The following ZPLD1 variants were observed in gnomAD, a reference collection of about 807,000 sequenced individuals.
ZPLD1 encodes the protein zona pellucida like domain containing 1.
In ZPLD1, 34 loss-of-function variants were observed where a neutral mutation model predicts 47.2. That is an observed-to-expected ratio of 0.72 (90% confidence interval 0.55 to 0.96). The LOEUF (loss-of-function observed/expected upper bound fraction) is 0.96, where lower values mean the gene tolerates loss of function less well. ZPLD1 is among the 40% of genes least tolerant of loss of function. The pLI is 0.00. For synonymous variants in ZPLD1, 176 were observed against 186.2 expected (o/e 0.95, Z 0.45); for missense variants, 512 against 505.8 (o/e 1.01, Z -0.12).
chr3:102,436,615 T>C (rs1707095399), intron 1 of ZPLD1, among the ~76,000 whole-genome samples: 1 of 152,224 alleles, frequency 6.6e-6, no homozygotes, highest in South Asian at 2.1e-4. Flanking sequence ...TTTCACGTCA[T>C]TTAAACCTTC....
Position 102,414,040 on chromosome 3 carries a change from T to C in ZPLD1, c.-156-4020T>C, listed in dbSNP as rs553211868. On this transcript the variant is annotated intron_variant, in intron 7 of 17. Transcript: ENST00000491959. ...AGGAGGCGAGCTGTGTGCTTTCCAG[T>C]TGGACATGATTCCTGTTACTTGCTG... Among the ~76,000 whole-genome samples the C allele has an allele frequency of 8.6e-5, 13 of 151,868 alleles. No individual in the cohort carries two copies. The South Asian group carries it at 2.1e-3, about 24-fold the overall frequency.
At chr3:102,462,034 A>G (rs1181700732) in intron 6 of ZPLD1, among the ~76,000 whole-genome samples, 1 of 152,096 alleles carries the variant, frequency 6.6e-6, no homozygotes, top group East Asian at 1.9e-4. Flanking sequence ...TACAGTGAAC[A>G]TTAGCCACCA....
intron 7 of ZPLD1, among the ~76,000 whole-genome samples, chr3:102,393,220 T>C (rs1402498581): frequency 4.6e-5 from 7 of 152,132 alleles, no homozygotes; most frequent in African/African-American, 1.7e-4. Context: ...GGTGACTGAA[T>C]TGGTTAAATT....
rs770288193 is a variant in ZPLD1 at position 102,470,460 on chromosome 3, G to A, written c.1000G>A (p.Gly334Ser). 1.2e-6 allele frequency: 2 copies of A among 1,614,006 alleles called. No homozygotes were observed. Among genetic ancestry groups the A allele is most frequent in the Non-Finnish European group, 1.7e-6 (2 of 1,180,000 alleles). ...GACTTGGAGCCCCCAGAGCTCTTCT[G>A]GCAGCGCGGTGCTCTCTGCTGGTCC... ...RTTWSPQSSS[G>S]SAVLSAGPII... The change falls in exon 10 of 12, where the codon GGC becomes AGC. Residue 334 changes from glycine (G) to serine (S), a missense_variant. Transcript: ENST00000466937.
intron 3 of ZPLD1, among the ~76,000 whole-genome samples, chr3:102,442,036 T>C (rs906154291): frequency 5.9e-5 from 9 of 152,098 alleles, no homozygotes; most frequent in Admixed American, 2.6e-4. Context: ...GACTCTCAGA[T>C]CCTTGAGAAA....
At chr3:102,476,213 G>A (rs1462716065) in intron 10 of ZPLD1, among the ~76,000 whole-genome samples, 6 of 151,976 alleles carry the variant, frequency 3.9e-5, no homozygotes, top group South Asian at 2.1e-4. Flanking sequence ...TCAATTGCAC[G>A]CATTATATGG....
At chr3:102,418,748 A>G (rs1310478358) in intron 8 of ZPLD1, among the ~76,000 whole-genome samples, 1 of 152,046 alleles carries the variant, frequency 6.6e-6, no homozygotes, top group East Asian at 1.9e-4. Context: ...TCTAATTACA[A>G]TGATGATATG....
chr3:102,430,760 G>T (rs1010988976), upstream of ZPLD1, among the ~76,000 whole-genome samples: 15 of 152,098 alleles, frequency 9.9e-5, no homozygotes, highest in Non-Finnish European at 1.9e-4. Flanking sequence ...TGATTCCTGT[G>T]CTGTGCCTTC....
intron 8 of ZPLD1, among the ~76,000 whole-genome samples, chr3:102,428,731 T>TTA (rs1394091487): frequency 1.3e-5 from 2 of 150,718 alleles, no homozygotes; most frequent in Non-Finnish European, 3.0e-5. Context: ...TATATATATG[T>TTA]TATATATATG....
intron 3 of ZPLD1, among the ~76,000 whole-genome samples, chr3:102,445,147 A>G (rs545911932): frequency 5.9e-5 from 9 of 152,260 alleles, no homozygotes; most frequent in Admixed American, 1.3e-4. Context: ...TTAAACTGCT[A>G]TGGTTTACAG....
chr3:102,447,583 T>C (rs904973855), intron 3 of ZPLD1, among the ~76,000 whole-genome samples: 6 of 152,228 alleles, frequency 3.9e-5, no homozygotes, highest in Non-Finnish European at 7.3e-5. Context: ...CTCATTATTC[T>C]ATAAAATAAC....
At chr3:102,454,791 G>A (rs189203080) in intron 4 of ZPLD1, among the ~76,000 whole-genome samples, 1 of 152,272 alleles carries the variant, frequency 6.6e-6, no homozygotes, top group East Asian at 1.9e-4. Flanking sequence ...AAGAGGCGGA[G>A]GTTGCAGTGA....
chr3:102,407,291 A>G (rs1706698692), intron 7 of ZPLD1, among the ~76,000 whole-genome samples: 1 of 149,486 alleles, frequency 6.7e-6, no homozygotes, highest in Non-Finnish European at 1.5e-5. Context: ...AAGTTATTCA[A>G]TATTTATATA....
At chr3:102,444,035 G>C (rs1459380045) in intron 3 of ZPLD1, among the ~76,000 whole-genome samples, 1 of 152,236 alleles carries the variant, frequency 6.6e-6, no homozygotes, top group African/African-American at 2.4e-5. Context: ...ATGATAAAGT[G>C]CAGTGGAGAA....
upstream of ZPLD1, among the ~76,000 whole-genome samples, chr3:102,431,184 G>A (rs1192597126): frequency 3.3e-5 from 5 of 152,278 alleles, no homozygotes; most frequent in East Asian, 9.7e-4. Context: ...GAGGAAGGCA[G>A]GCAAAGGGAA....
chr3:102,431,949 C>T (rs187512626), upstream of ZPLD1, among the ~76,000 whole-genome samples: 14 of 152,088 alleles, frequency 9.2e-5, no homozygotes, highest in Non-Finnish European at 1.6e-4. Flanking sequence ...TTTTGAAGGG[C>T]GAGTTAATAT....
At chr3:102,455,658 G>A (rs1269209179) in intron 4 of ZPLD1, among the ~76,000 whole-genome samples, 1 of 152,188 alleles carries the variant, frequency 6.6e-6, no homozygotes, top group Admixed American at 6.5e-5. Context: ...GATGGCTGAG[G>A]GAACTGCCCA....
chr3:102,426,064 T>C (rs778902336), intron 8 of ZPLD1, among the ~76,000 whole-genome samples: 3 of 151,720 alleles, frequency 2.0e-5, no homozygotes, highest in Non-Finnish European at 4.4e-5. Context: ...TATACAAACA[T>C]TGAAATAGTA....
chr3:102,423,609 A>G (rs1706906389), intron 8 of ZPLD1, among the ~76,000 whole-genome samples: 1 of 152,094 alleles, frequency 6.6e-6, no homozygotes, highest in South Asian at 2.1e-4. Flanking sequence ...ATTAAAATAA[A>G]TTTGCATTTT....
Sources: gnomAD v4.1 joint callset for allele counts (sites outside exome capture counted in the v4.1 genomes callset) on GRCh38, gnomAD v4.1.1 for gene constraint, MANE v1.5 for transcripts, NCBI Gene and HGNC (gene_info 2026-07-23, HGNC 2026-07-21) for gene names.